The following RCN2 variants were observed in gnomAD, a reference collection of about 807,000 sequenced individuals.
The protein encoded by RCN2 is reticulocalbin 2, also known as reticulocalbin-2.
A neutral mutation model predicts 37.5 loss-of-function variants in RCN2; 23 were observed. The ratio of observed to expected loss-of-function variants is 0.61; its 90% CI spans 0.44 to 0.87. RCN2 has a LOEUF of 0.87. Ranked by LOEUF, RCN2 falls within the 40% of genes least tolerant of loss-of-function variation. The pLI is 0.00. For missense variants in RCN2, 381 were observed against 390.4 expected (o/e 0.98, Z 0.20); for synonymous variants, 140 against 144.6 (o/e 0.97, Z 0.23).
chr15:76,949,040 C>A, intron 6 of RCN2, 30 bp from the exon 7 acceptor site: 1 of 1,564,918 alleles, frequency 6.4e-7, no homozygotes, highest in Non-Finnish European at 8.6e-7. Flanking sequence ...ATACTTATTA[C>A]ACTTGACACT....
In RCN2 at chr15:76,943,883, A is replaced by G. The variant is rs1177739184; in HGVS notation, c.561+12A>G. The G allele has an allele frequency of 1.4e-6, 2 of 1,477,604 alleles. No homozygotes were observed. Among genetic ancestry groups the G allele is most frequent in the Non-Finnish European group, 1.9e-6 (2 of 1,066,576 alleles). 91.5% of individuals were successfully genotyped at this position (1,477,604 alleles called of 1,614,324 possible). A position where few individuals can be genotyped will look rare whatever the true frequency, so the allele number is the denominator to read the frequency against. ...TTGATTATATGACGGTAAGAAAGAA[A>G]CATTTTTAAGAGAATTATTGAGTGA... On this transcript the variant is annotated intron_variant, in intron 4 of 6. Transcript: ENST00000394885.
chr15:76,932,371 A>G lies in RCN2; in HGVS notation c.155A>G (p.Asp52Gly). 6.2e-7 allele frequency: 1 copy of G among 1,613,272 alleles called. No homozygotes were observed. The highest frequency in any genetic ancestry group is 8.5e-7 in the Non-Finnish European group (1 of 1,179,322). The change falls in exon 2 of 7, where the codon GAT becomes GGT. Residue 52 changes from aspartate (D) to glycine (G), a missense_variant. Asp to Gly is a moderately conservative substitution (Grantham distance 94). Transcript: ENST00000394885. ...EALLGVQEDV[D>G]EYVKLGHEEQ... ...CGCTTCCCCCTAAAGGAAGATGTGG[A>G]TGAATATGTTAAACTCGGCCACGAA... is the stretch of plus-strand genomic sequence containing the variant.
In RCN2 at chr15:76,950,664, C is replaced by T. The variant is rs1323209433; in HGVS notation, c.*1442C>T. The stretch of plus-strand genomic sequence containing the variant: ...TCGGCCTCCCAAGGTGCTGGAATTA[C>T]AGGCGTGAGCCAACGCGCACGGCCT... On this transcript the variant is annotated 3_prime_UTR_variant, in exon 7 of 7. Transcript: ENST00000394885. 1 of 152,244 alleles carries T rather than the reference C, an allele frequency of 6.6e-6. No homozygotes were observed. Among genetic ancestry groups the T allele is most frequent in the African/African-American group, 2.4e-5 (1 of 41,448 alleles). The allele number at this position is 152,244 out of a possible 1,614,324, so 9.4% of individuals were successfully genotyped here.
At chr15:76,936,392 G>C (rs956313082) in intron 3 of RCN2, among the ~76,000 whole-genome samples, 9 of 152,156 alleles carry the variant, frequency 5.9e-5, no homozygotes, top group South Asian at 2.1e-4. Flanking sequence ...TGTGTGGCGG[G>C]GGGGTGGGGA....
In RCN2 at chr15:76,949,375, G is replaced by GAA; in HGVS notation, c.*161_*162dup. 7 of 490,436 alleles carry GAA rather than the reference G, an allele frequency of 1.4e-5. No homozygotes were observed. Among genetic ancestry groups the GAA allele is most frequent in the Non-Finnish European group, 1.9e-5 (6 of 312,806 alleles). 30.4% of individuals were successfully genotyped at this position (490,436 alleles called of 1,614,324 possible). A position where few individuals can be genotyped will look rare whatever the true frequency, so the allele number is the denominator to read the frequency against. Reference sequence around the variant, plus strand: ...GTAGATTATAATTTTGGTCTTTTAGGAAAAAAAAACAAAAATCTGATATTT... The same window carrying GAA: ...GTAGATTATAATTTTGGTCTTTTAGGAAAAAAAAAAACAAAAATCTGATATTT... On this transcript the variant is annotated 3_prime_UTR_variant, in exon 7 of 7. Coordinates refer to ENST00000394885, the MANE Select transcript of RCN2 (RefSeq NM_002902.3).
At chr15:76,948,834 G>C (rs2075307132) in intron 6 of RCN2, 1 of 537,730 alleles carries the variant, frequency 1.9e-6, no homozygotes, top group East Asian at 3.0e-5. Flanking sequence ...TCATTGCCTT[G>C]ATATATCCTG....
chr15:76,945,865 C>T (rs553435581), intron 4 of RCN2, among the ~76,000 whole-genome samples: 5 of 152,278 alleles, frequency 3.3e-5, no homozygotes, highest in African/African-American at 1.2e-4. Context: ...GCACAGAATA[C>T]ATGACCCAGT....
Position 76,949,110 on chromosome 15 carries a change from A to G in RCN2, c.842A>G (p.Lys281Arg). 1.2e-6 allele frequency: 2 copies of G among 1,612,112 alleles called. No individual in the cohort carries two copies. Among genetic ancestry groups the G allele is most frequent in the East Asian group, 2.2e-5 (1 of 44,840 alleles). Residue 281 changes from lysine to arginine, a missense_variant, in exon 7 of 7, where the codon AAA (lysine) becomes AGA (arginine). By Grantham distance (26) the Lys-to-Arg change is conservative. Coordinates refer to ENST00000394885, the MANE Select transcript of RCN2 (RefSeq NM_002902.3). ...LIDEMDLNGDKKLSEEEILEN... is the reference protein window; with the variant it reads ...LIDEMDLNGDRKLSEEEILEN... ...GATGAAATGGATTTGAATGGTGACA[A>G]AAAGCTCTCTGAAGAAGAGATTCTG...
At chr15:76,936,618 C>T (rs2075250397) in intron 3 of RCN2, among the ~76,000 whole-genome samples, 1 of 152,146 alleles carries the variant, frequency 6.6e-6, no homozygotes, top group African/African-American at 2.4e-5. Context: ...CCTAACAGGC[C>T]ATGAACCAAT....
intron 6 of RCN2, 33 bp downstream of exon 6, chr15:76,948,585 C>A: frequency 1.4e-6 from 2 of 1,478,234 alleles, no homozygotes; most frequent in South Asian, 2.9e-5. Context: ...TTCTCTCCAC[C>A]CCCTCCCCCC....
At chr15:76,941,739 C>T in intron 3 of RCN2, 1 of 942,176 alleles carries the variant, frequency 1.1e-6, no homozygotes, top group South Asian at 2.3e-5. Flanking sequence ...AAATGTGAAC[C>T]AGAAAAAGCT....
rs2075222986 is a variant in RCN2, at chr15:76,931,796, C to T, written c.-46C>T. The T allele has an allele frequency of 1.7e-6, 2 of 1,195,816 alleles. No individual in the cohort carries two copies. The highest frequency in any genetic ancestry group is 3.7e-5 in the East Asian group (1 of 27,244). 74.1% of individuals were successfully genotyped at this position (1,195,816 alleles called of 1,614,324 possible). A position where few individuals can be genotyped will look rare whatever the true frequency, so the allele number is the denominator to read the frequency against. On this transcript the variant is annotated 5_prime_UTR_variant, in exon 1 of 7. Transcript: ENST00000394885. Reference sequence around the variant, plus strand: ...CATCGCAGCCGGCCCGGGCCCCCGCCAGCCTCCCTCCTCGCGTCCCTCGGT... The same window carrying T: ...CATCGCAGCCGGCCCGGGCCCCCGCTAGCCTCCCTCCTCGCGTCCCTCGGT...
Position 76,931,788 on chromosome 15 carries a change from G to C in RCN2, c.-54G>C, listed in dbSNP as rs1393420083. On this transcript the variant is annotated 5_prime_UTR_variant, in exon 1 of 7. Coordinates refer to ENST00000394885, the MANE Select transcript of RCN2 (RefSeq NM_002902.3). ...CCGCGGAGCATCGCAGCCGGCCCGG[G>C]CCCCCGCCAGCCTCCCTCCTCGCGT... The C allele has an allele frequency of 2.5e-6, 3 of 1,186,848 alleles. No individual in the cohort carries two copies. The highest frequency in any genetic ancestry group is 4.6e-5 in the Admixed American group (1 of 21,954). The allele number at this position is 1,186,848 out of a possible 1,614,324, so 73.5% of individuals were successfully genotyped here. A position where few individuals can be genotyped will look rare whatever the true frequency, so the allele number is the denominator to read the frequency against.
intron 3 of RCN2, chr15:76,942,019 T>C (rs1376933962): frequency 5.4e-6 from 1 of 186,618 alleles, no homozygotes; most frequent in African/African-American, 2.3e-5. Context: ...ATGCAAATTA[T>C]TTGGTCTAGT....
chr15:76,935,183 G>T (rs564991879), intron 2 of RCN2, among the ~76,000 whole-genome samples: 1 of 152,134 alleles, frequency 6.6e-6, no homozygotes, highest in Admixed American at 6.5e-5. Flanking sequence ...AATTAGCCGG[G>T]TGTGGTGGCA....
At chr15:76,935,396 A>C (rs1363044676) in intron 2 of RCN2, 130 bp from the exon 3 acceptor site, 11 of 651,634 alleles carry the variant, frequency 1.7e-5, no homozygotes, top group Non-Finnish European at 1.9e-5. Context: ...ATTTCTATTA[A>C]TACAACTAGG....
At position 76,943,894 on chromosome 15, in the gene RCN2, A is replaced by G. The variant is rs1271020947; in HGVS notation, c.561+23A>G. The G allele has an allele frequency of 2.2e-6, 3 of 1,346,586 alleles. No individual in the cohort carries two copies. The East Asian group carries it at 7.0e-5, about 31-fold the overall frequency. The allele number at this position is 1,346,586 out of a possible 1,614,324, so 83.4% of individuals were successfully genotyped here. A position where few individuals can be genotyped will look rare whatever the true frequency, so the allele number is the denominator to read the frequency against. On this transcript the variant is annotated intron_variant, in intron 4 of 6. Coordinates refer to ENST00000394885, the MANE Select transcript of RCN2 (RefSeq NM_002902.3). ...ACGGTAAGAAAGAAACATTTTTAAG[A>G]GAATTATTGAGTGACCAAAACTTTA...
Position 76,937,947 on chromosome 15 carries a change from GAATT to G in RCN2, c.447+2228_447+2231del, listed in dbSNP as rs1300335576. ...TTTGTATTTCAAAGCTAATTTTAAA[GAATT>G]AAAATCTTTTTTATAGGTACATGAT... is the stretch of plus-strand genomic sequence containing the variant. On this transcript the variant is annotated intron_variant, in intron 3 of 6. Coordinates refer to ENST00000394885, the MANE Select transcript of RCN2 (RefSeq NM_002902.3). 2.0e-5 allele frequency among the ~76,000 whole-genome samples: 3 copies of G among 152,008 alleles called. 1 individual carries two copies. The highest frequency in any genetic ancestry group is 7.2e-5 in the African/African-American group (3 of 41,382).
At position 76,931,905 on chromosome 15, in the gene RCN2, G is replaced by T. The variant is rs2075224270; in HGVS notation, c.64G>T (p.Ala22Ser). The change falls in exon 1 of 7, where the codon GCC becomes TCC. Residue 22 changes from alanine (A) to serine (S), a missense_variant. Coordinates refer to ENST00000394885, the MANE Select transcript of RCN2 (RefSeq NM_002902.3). ...LLLLCAAAAG[A>S]GKAEELHYPL... Reference sequence around the variant, plus strand: ...GCTGCTGTGCGCCGCCGCGGCCGGCGCCGGCAAGGCCGAGGAGCTGCACTA... The same window carrying T: ...GCTGCTGTGCGCCGCCGCGGCCGGCTCCGGCAAGGCCGAGGAGCTGCACTA... 1 of 1,323,458 alleles carries T rather than the reference G, an allele frequency of 7.6e-7. No individual in the cohort carries two copies. Among genetic ancestry groups the T allele is most frequent in the Non-Finnish European group, 9.7e-7 (1 of 1,035,364 alleles). 82.0% of individuals were successfully genotyped at this position (1,323,458 alleles called of 1,614,324 possible). A position where few individuals can be genotyped will look rare whatever the true frequency, so the allele number is the denominator to read the frequency against.
Sources: gnomAD v4.1 joint callset for allele counts (sites outside exome capture counted in the v4.1 genomes callset) on GRCh38, gnomAD v4.1.1 for gene constraint, MANE v1.5 for transcripts, NCBI Gene and HGNC (gene_info 2026-07-23, HGNC 2026-07-21) for gene names.